Variants in PLAA observed in about 807,000 individuals in gnomAD.
PLAA encodes phospholipase A-2-activating protein.
PLAA carries 48 observed loss-of-function variants against 84.1 expected under a neutral mutation model. That is an observed-to-expected ratio of 0.57 (90% CI 0.45 to 0.73). The LOEUF (loss-of-function observed/expected upper bound fraction) is 0.73. Among genes scored for constraint, PLAA ranks in the 30% least tolerant of loss-of-function variants. The probability of loss-of-function intolerance (pLI) is 0.00; values close to 1 mark genes in which losing one functional copy is unlikely to be tolerated. For synonymous variants in PLAA, 392 were observed against 336.6 expected (o/e 1.16, Z -1.80); for missense variants, 903 against 954.7 (o/e 0.95, Z 0.71).
Position 26,919,451 on chromosome 9 carries a change from G to C in PLAA, c.1276C>G (p.Pro426Ala), listed in dbSNP as rs1824680830. ...AAGAAGTTGTATGCAGTTAACCAAG[G>C]GTCATCACTGGTATTATATGGCAAT... ...YKLPYNTSDD[P>A]WLTAYNFLQK... Residue 426 changes from proline to alanine, a missense_variant, in exon 9 of 14, where the codon CCT becomes GCT. Pro to Ala is a conservative substitution (Grantham distance 27, BLOSUM62 -1). Transcript: ENST00000397292. The C allele has an allele frequency of 6.2e-7, 1 of 1,610,190 alleles. No homozygotes were observed. The highest frequency in any genetic ancestry group is 8.5e-7 in the Non-Finnish European group (1 of 1,176,966).
intron 2 of PLAA, among the ~76,000 whole-genome samples, chr9:26,929,051 T>A (rs557548939): frequency 9.2e-4 from 140 of 152,014 alleles, no homozygotes; most frequent in African/African-American, 3.1e-3. Flanking sequence ...TACAAAAAAA[T>A]AGCTGGGTGT....
chr9:26,924,779 A>T (rs1465559971), intron 6 of PLAA, among the ~76,000 whole-genome samples: 1 of 152,138 alleles, frequency 6.6e-6, no homozygotes, highest in African/African-American at 2.4e-5. Context: ...CTTAGTTCTT[A>T]GTCTTCTGTT....
At position 26,905,490 on chromosome 9, in the gene PLAA, A is replaced by C; in HGVS notation, c.*21T>G. The C allele has an allele frequency of 6.6e-7, 1 of 1,518,326 alleles. No homozygotes were observed. Among genetic ancestry groups the C allele is most frequent in the Non-Finnish European group, 9.0e-7 (1 of 1,115,090 alleles). 94.1% of individuals were successfully genotyped at this position (1,518,326 alleles called of 1,614,324 possible). On this transcript the variant is annotated 3_prime_UTR_variant, in exon 14 of 14. Coordinates refer to ENST00000397292, the MANE Select transcript of PLAA (RefSeq NM_001031689.3). ...AAAAAAACACTAATCAATTAAAAAT[A>C]TCCGTCCCTCTTCCCCACTGCTACA...
At chr9:26,909,956 G>A (rs1014894622) in intron 12 of PLAA, among the ~76,000 whole-genome samples, 9 of 152,130 alleles carry the variant, frequency 5.9e-5, no homozygotes, top group African/African-American at 2.2e-4. Flanking sequence ...AATTTAAAAT[G>A]AACTTGTATT....
Position 26,905,758 on chromosome 9 carries a change from T to A in PLAA, c.2141A>T (p.His714Leu). ...TLALNYSVCFHKDHNIEGKAQ... is the reference protein window; with the variant it reads ...TLALNYSVCFLKDHNIEGKAQ... Reference sequence around the variant, plus strand: ...TTTCCCTTCAATGTTATGGTCTTTATGAAAACAAACAGAATAGTTCAGGGC... The same window carrying A: ...TTTCCCTTCAATGTTATGGTCTTTAAGAAAACAAACAGAATAGTTCAGGGC... The change falls in exon 14 of 14, where the codon CAT becomes CTT. Residue 714 changes from histidine (H) to leucine (L), a missense_variant. His to Leu is a moderately conservative substitution (Grantham distance 99, BLOSUM62 -3). Coordinates refer to ENST00000397292, the MANE Select transcript of PLAA (RefSeq NM_001031689.3). 1 of 1,614,204 alleles carries A rather than the reference T, an allele frequency of 6.2e-7. No individual in the cohort carries two copies. Among genetic ancestry groups the A allele is most frequent in the Middle Eastern group, 1.6e-4 (1 of 6,062 alleles).
At position 26,910,428 on chromosome 9, in the gene PLAA, A is replaced by T. The variant is rs373582820; in HGVS notation, c.1567T>A (p.Tyr523Asn). The change falls in exon 12 of 14, where the codon TAC becomes AAC. Residue 523 changes from tyrosine (Y) to asparagine (N), a missense_variant. Coordinates refer to ENST00000397292, the MANE Select transcript of PLAA (RefSeq NM_001031689.3). ...GVDPFTGNSA[Y>N]RSAASKTMNI... The stretch of plus-strand genomic sequence containing the variant: ...ATTGTTTTAGATGCAGCTGATCGGT[A>T]GGCACTATTCCCTATTTAAAGAATA... 1.9e-6 allele frequency: 3 copies of T among 1,611,182 alleles called. No individual in the cohort carries two copies. In the Admixed American group the frequency reaches 5.0e-5, roughly 27 times the overall value.
At chr9:26,918,226 C>T (rs1824631867) in intron 9 of PLAA, among the ~76,000 whole-genome samples, 2 of 151,880 alleles carry the variant, frequency 1.3e-5, no homozygotes, top group African/African-American at 2.4e-5. Context: ...ATTCTCCTGC[C>T]TCAGTTTTCC....
At position 26,942,665 on chromosome 9, in the gene PLAA, G is replaced by T. The variant is rs2131428908; in HGVS notation, c.149+4232C>A. On this transcript the variant is annotated intron_variant, in intron 1 of 13. Transcript: ENST00000397292. ...TGGGAGGCCAAGGCGGGCGGATCAC[G>T]AGGTCAGGAGATCCAGACCATCCTG... Among the ~76,000 whole-genome samples, 3 of 152,182 alleles carry T rather than the reference G, an allele frequency of 2.0e-5. No individual in the cohort carries two copies. The South Asian group carries it at 6.2e-4, about 32-fold the overall frequency.
At chr9:26,930,108 T>TA (rs202206201) in intron 2 of PLAA, among the ~76,000 whole-genome samples, 5,647 of 143,970 alleles carry the variant, frequency 0.039, 134 homozygotes, top group South Asian at 0.09. Flanking sequence ...TTATTATTAT[T>TA]TTTTTTTTTT....
chr9:26,906,113 TAAAG>T (rs773432313), intron 13 of PLAA, 37 bp from the exon 14 acceptor site: 2 of 1,300,486 alleles, frequency 1.5e-6, no homozygotes, highest in Admixed American at 2.8e-5. Flanking sequence ...CTTATGAAAA[TAAAG>T]AAAATTTCTT....
intron 6 of PLAA, among the ~76,000 whole-genome samples, chr9:26,924,353 C>T (rs1824874241): frequency 6.6e-6 from 1 of 151,938 alleles, no homozygotes; most frequent in Non-Finnish European, 1.5e-5. Flanking sequence ...AGGATAGTCT[C>T]GAACTCCTGA....
Position 26,935,168 on chromosome 9 carries a change from C to A in PLAA, c.188G>T (p.Gly63Val). ...TACACAAGATACAAAATTGGAATGG[C>A]CACTCATACAGTGCATTTCTGTAAA... ...RSFTEMHCMS[G>V]HSNFVSCVCI... is the part of the protein sequence containing the mutation. Residue 63 changes from glycine (G) to valine (V), a missense_variant, in exon 2 of 14, where the codon GGC becomes GTC. Coordinates refer to ENST00000397292, the MANE Select transcript of PLAA (RefSeq NM_001031689.3). 6.3e-7 allele frequency: 1 copy of A among 1,594,300 alleles called. No individual in the cohort carries two copies. Among genetic ancestry groups the A allele is most frequent in the Admixed American group, 1.8e-5 (1 of 54,378 alleles).
intron 2 of PLAA, among the ~76,000 whole-genome samples, chr9:26,931,031 G>A (rs988783193): frequency 6.6e-6 from 1 of 151,962 alleles, no homozygotes; most frequent in Admixed American, 6.6e-5. Flanking sequence ...AGAGCAAGAA[G>A]TGTACAAACT....
At position 26,916,037 on chromosome 9, in the gene PLAA, T is replaced by G. The variant is rs997379805; in HGVS notation, c.1486+1060A>C. The G allele has an allele frequency of 4.1e-5, 40 of 985,298 alleles. No individual in the cohort carries two copies. In the African/African-American group the frequency reaches 6.5e-4, roughly 16 times the overall value. 61.0% of individuals were successfully genotyped at this position (985,298 alleles called of 1,614,324 possible). A position where few individuals can be genotyped will look rare whatever the true frequency, so the allele number is the denominator to read the frequency against. ...TGTGCCATAACAGCATTTAGTGTGA[T>G]AGTTAATTATTTTCATTTACTTGTT... is the stretch of plus-strand genomic sequence containing the variant. On this transcript the variant is annotated intron_variant, in intron 10 of 13. Transcript: ENST00000397292.
chr9:26,940,524 G>C (rs565765541), intron 1 of PLAA, among the ~76,000 whole-genome samples: 27 of 152,278 alleles, frequency 1.8e-4, no homozygotes, highest in African/African-American at 6.0e-4. Context: ...TGCTTAAACA[G>C]GTACAGTTTC....
At chr9:26,915,844 T>G in intron 10 of PLAA, 1 of 985,436 alleles carries the variant, frequency 1.0e-6, no homozygotes, top group Non-Finnish European at 1.2e-6. Flanking sequence ...GTTCTTTCTG[T>G]TCCAGAAAAA....
At position 26,923,264 on chromosome 9, in the gene PLAA, G is replaced by C. The variant is rs1824830193; in HGVS notation, c.953C>G (p.Ser318Cys). The C allele has an allele frequency of 1.2e-6, 2 of 1,613,686 alleles. No individual in the cohort carries two copies. The highest frequency in any genetic ancestry group is 2.2e-5 in the East Asian group (1 of 44,870). ...AGTTTTAGAATCAATGGTTGCGTGA[G>C]ACAGTTCTTTTTCAAAAGCCTTGAT... Reference protein sequence around the residue: ...EEIKAFEKELSHATIDSKTGD... With the variant: ...EEIKAFEKELCHATIDSKTGD... Residue 318 changes from serine to cysteine, a missense_variant, in exon 7 of 14, where the codon TCT becomes TGT. Physicochemically the swap from Ser to Cys is moderately radical, Grantham distance 112. Coordinates refer to ENST00000397292, the MANE Select transcript of PLAA (RefSeq NM_001031689.3).
At position 26,928,404 on chromosome 9, in the gene PLAA, A is replaced by G. The variant is rs756648024; in HGVS notation, c.348T>C (p.Cys116=). The G allele has an allele frequency of 2.4e-5, 39 of 1,594,108 alleles. No individual in the cohort carries two copies. In the African/African-American group the frequency reaches 5.2e-4, roughly 21 times the overall value. ...TCCCAAATTTTCCAGATGATAGACT[A>G]CAAACTAAGGAAAAAACATCATTGG... The part of the protein sequence containing the change: ...YILKGHKNTV[C]SLSSGKFGTL... The change falls in exon 3 of 14, where the codon TGT becomes TGC. Residue 116 remains cysteine, a synonymous_variant. Transcript: ENST00000397292.
At chr9:26,939,111 G>A (rs562784915) in intron 1 of PLAA, among the ~76,000 whole-genome samples, 87 of 152,270 alleles carry the variant, frequency 5.7e-4, no homozygotes, top group African/African-American at 1.9e-3. Flanking sequence ...AAACTAGGCC[G>A]GGCGCCGTGG....
Sources: allele counts gnomAD v4.1 joint callset (sites outside exome capture counted in the v4.1 genomes callset), GRCh38; gene constraint gnomAD v4.1.1; transcripts MANE v1.5; gene names NCBI Gene and HGNC (gene_info 2026-07-23, HGNC 2026-07-21).